BEND7: variants seen among roughly 807,000 people sequenced by gnomAD.
BEND7 encodes BEN domain containing 7, also known as BEN domain-containing protein 7.
Under a neutral mutation model 50.9 loss-of-function variants are expected in BEND7, and 28 were observed. The ratio of observed to expected loss-of-function variants is 0.55; its 90% CI spans 0.41 to 0.75. The LOEUF is 0.75. Among genes scored for constraint, BEND7 ranks in the 30% least tolerant of loss-of-function variants. The probability of loss-of-function intolerance (pLI) is 0.00; values close to 1 mark genes in which losing one functional copy is unlikely to be tolerated. For missense variants in BEND7, 477 were observed against 491.3 expected (o/e 0.97, Z 0.28); for synonymous variants, 170 against 183.9 (o/e 0.92, Z 0.61).
intron 5 of BEND7, among the ~76,000 whole-genome samples, chr10:13,487,376 TTC>T (rs1462032155): frequency 1.1e-4 from 9 of 78,422 alleles, no homozygotes; most frequent in South Asian, 7.1e-4. Flanking sequence ...TCAATTTCTT[TTC>T]TTTTCTTTTC....
At chr10:13,515,762 G>C (rs186828389) in intron 2 of BEND7, among the ~76,000 whole-genome samples, 1 of 152,198 alleles carries the variant, frequency 6.6e-6, no homozygotes, top group Non-Finnish European at 1.5e-5. Flanking sequence ...GGTGTGTTCA[G>C]TTGATGGCAA....
chr10:13,479,006 C>CTT (rs34144594), intron 6 of BEND7, among the ~76,000 whole-genome samples: 3 of 127,744 alleles, frequency 2.3e-5, no homozygotes, highest in East Asian at 2.3e-4. Flanking sequence ...TTGTAATATA[C>CTT]TTTTTTTTTT....
intron 6 of BEND7, among the ~76,000 whole-genome samples, chr10:13,463,779 G>A (rs964255920): frequency 6.6e-6 from 1 of 152,156 alleles, no homozygotes; most frequent in African/African-American, 2.4e-5. Context: ...TGTAGGCAAC[G>A]TCTTCACAAC....
chr10:13,523,020 C>T (rs914016776), intron 2 of BEND7, among the ~76,000 whole-genome samples: 6 of 152,218 alleles, frequency 3.9e-5, no homozygotes, highest in African/African-American at 1.4e-4. Context: ...TGCTCCGTTT[C>T]CTGAATTTGT....
intron 2 of BEND7, chr10:13,500,427 G>A (rs2077356300): frequency 1.3e-6 from 1 of 797,660 alleles, no homozygotes; most frequent in Non-Finnish European, 1.6e-6. Flanking sequence ...GTCAAGGATA[G>A]AACTGGACCG....
intron 2 of BEND7, among the ~76,000 whole-genome samples, chr10:13,508,852 T>G (rs544685505): frequency 2.6e-5 from 4 of 151,856 alleles, no homozygotes; most frequent in African/African-American, 9.7e-5. Context: ...GCTCTAAGAG[T>G]ATAATGGCAC....
chr10:13,447,704 T>C (rs570446162), intron 7 of BEND7, among the ~76,000 whole-genome samples: 13 of 152,070 alleles, frequency 8.5e-5, no homozygotes, highest in East Asian at 1.9e-4. Flanking sequence ...CCACCACGCC[T>C]GGCTAATTTT....
chr10:13,439,604 C>T (rs1055094324), downstream of BEND7: 2 of 1,110,604 alleles, frequency 1.8e-6, no homozygotes, highest in Admixed American at 5.8e-5. Flanking sequence ...CAAGTGACAC[C>T]CCTCCTGGTT....
chr10:13,444,316 G>A (rs1835833268), intron 8 of BEND7: 1 of 152,180 alleles, frequency 6.6e-6, no homozygotes, highest in African/African-American at 2.4e-5. Flanking sequence ...GCTAAAGCCT[G>A]ATGAACAGAA....
chr10:13,439,445 G>T (rs769432052), downstream of BEND7: 33 of 1,613,836 alleles, frequency 2.0e-5, no homozygotes, highest in Non-Finnish European at 2.4e-5. Context: ...GCAAGACTAG[G>T]GTCACCGCTG....
intron 2 of BEND7, among the ~76,000 whole-genome samples, chr10:13,509,163 G>A (rs1046361391): frequency 6.6e-6 from 1 of 152,224 alleles, no homozygotes; most frequent in African/African-American, 2.4e-5. Context: ...CCAAAGGAGA[G>A]TAAGTATCTA....
chr10:13,527,843 C>T (rs2079529643), intron 1 of BEND7: 1 of 984,014 alleles, frequency 1.0e-6, no homozygotes, highest in Non-Finnish European at 1.2e-6. Flanking sequence ...GTGGTGTACA[C>T]CTGTTAATTC....
At position 13,528,475 on chromosome 10, in the gene BEND7, C is replaced by T. The variant is rs2132863651; in HGVS notation, c.59G>A (p.Arg20Gln). 1.9e-6 allele frequency: 2 copies of T among 1,031,884 alleles called. No individual in the cohort carries two copies. The highest frequency in any genetic ancestry group is 1.7e-5 in the African/African-American group (1 of 57,464). 63.9% of individuals were successfully genotyped at this position (1,031,884 alleles called of 1,614,324 possible). A position where few individuals can be genotyped will look rare whatever the true frequency, so the allele number is the denominator to read the frequency against. ...RKSQSFKLVS[R>Q]DYHHEVYKIP... Reference sequence around the variant, plus strand: ...CCGCCGCCCCGGCGGCCGCTTACCTCGGCTCACCAGTTTGAAGCTCTGGGA... The same window carrying T: ...CCGCCGCCCCGGCGGCCGCTTACCTTGGCTCACCAGTTTGAAGCTCTGGGA... The change falls in exon 1 of 9, where the codon CGA (arginine) becomes CAA (glutamine). Residue 20 changes from arginine (R) to glutamine (Q), a missense_variant and splice_region_variant. By Grantham distance (43) the Arg-to-Gln change is conservative. Transcript: ENST00000466271.
rs866646134 is a variant in BEND7, at chr10:13,485,161, A to G, written c.838-4037T>C. The stretch of plus-strand genomic sequence containing the variant: ...ATCACGTGACTCCCCTGTATAATCG[A>G]AAGAATACAAAGTAAGACAATTTTT... On this transcript the variant is annotated intron_variant, in intron 5 of 8. Transcript: ENST00000466271. 2.6e-5 allele frequency among the ~76,000 whole-genome samples: 4 copies of G among 152,158 alleles called. 1 individual carries two copies. Among genetic ancestry groups the G allele is most frequent in the Middle Eastern group, 3.2e-3 (1 of 316 alleles).
chr10:13,446,513 A>C (rs1488299885), intron 8 of BEND7: 1 of 152,202 alleles, frequency 6.6e-6, no homozygotes, highest in African/African-American at 2.4e-5. Flanking sequence ...GAATCTTCAG[A>C]TATCCTTTGG....
intron 3 of BEND7, 138 bp downstream of exon 3, chr10:13,499,636 TCTCC>T (rs1238453421): frequency 9.9e-7 from 1 of 1,006,796 alleles, no homozygotes; most frequent in African/African-American, 1.6e-5. Flanking sequence ...TTCCTTTGTG[TCTCC>T]CTGTCTTTTA....
chr10:13,448,314 CT>C (rs1190589222), intron 7 of BEND7, among the ~76,000 whole-genome samples: 1 of 152,084 alleles, frequency 6.6e-6, no homozygotes, highest in Non-Finnish European at 1.5e-5. Context: ...ATTATGGCCC[CT>C]GGGATAGTTT....
intron 2 of BEND7, among the ~76,000 whole-genome samples, chr10:13,506,549 G>C (rs1038832948): frequency 6.6e-6 from 1 of 152,162 alleles, no homozygotes; most frequent in African/African-American, 2.4e-5. Context: ...TTGTACACTG[G>C]AGCCAATGGG....
intron 6 of BEND7, among the ~76,000 whole-genome samples, chr10:13,460,332 C>T (rs1364540356): frequency 6.6e-6 from 1 of 152,198 alleles, no homozygotes; most frequent in Non-Finnish European, 1.5e-5. Flanking sequence ...CTGCACCCCA[C>T]GAGACATCTT....
Sources: allele counts gnomAD v4.1 joint callset (sites outside exome capture counted in the v4.1 genomes callset), GRCh38; gene constraint gnomAD v4.1.1; transcripts MANE v1.5; gene names NCBI Gene and HGNC (gene_info 2026-07-23, HGNC 2026-07-21).